The following FAM135B variants were observed in gnomAD, a reference collection of about 807,000 sequenced individuals.
FAM135B encodes the protein family with sequence similarity 135 member B.
A neutral mutation model predicts 127.7 loss-of-function variants in FAM135B; 43 were observed. The observed-to-expected ratio is 0.34, with a 90% CI of 0.26 to 0.43. The LOEUF is 0.43. Ranked by LOEUF, FAM135B falls within the 20% of genes least tolerant of loss-of-function variation. FAM135B has a pLI of 1.00. For synonymous variants in FAM135B, 670 were observed against 665.1 expected, an observed-to-expected ratio of 1.01 and a Z score of -0.11; for missense variants, 1,558 against 1,725.6, an observed-to-expected ratio of 0.90 and a Z score of 1.72.
In FAM135B at chr8:138,178,522, G is replaced by T; in HGVS notation, c.1029+13C>A. 2 of 1,613,044 alleles carry T rather than the reference G, an allele frequency of 1.2e-6. No homozygotes were observed. The highest frequency in any genetic ancestry group is 2.2e-5 in the East Asian group (1 of 44,838). The stretch of plus-strand genomic sequence containing the variant: ...GCATGTGATCAGAGAATGCACAGCA[G>T]TTGGCCACTCACCCTCAGGGTGTGG... On this transcript the variant is annotated intron_variant, in intron 10 of 19. Transcript: ENST00000395297.
At chr8:138,411,971 C>T (rs994929895) in intron 1 of FAM135B, among the ~76,000 whole-genome samples, 2 of 152,122 alleles carry the variant, frequency 1.3e-5, no homozygotes, top group Non-Finnish European at 2.9e-5. Context: ...GAACAAAAAA[C>T]CAAATACCGT....
chr8:138,448,735 C>A (rs1836329936), intron 1 of FAM135B, among the ~76,000 whole-genome samples: 1 of 150,500 alleles, frequency 6.6e-6, no homozygotes, highest in Non-Finnish European at 1.5e-5. Flanking sequence ...AAATAGATTT[C>A]ATAATCACAC....
chr8:138,400,676 C>T (rs1296752313), intron 1 of FAM135B, among the ~76,000 whole-genome samples: 1 of 152,280 alleles, frequency 6.6e-6, no homozygotes, highest in African/African-American at 2.4e-5. Flanking sequence ...TGTTTAAACC[C>T]ATCCAAGACA....
intron 9 of FAM135B, among the ~76,000 whole-genome samples, chr8:138,193,661 T>C (rs1196760642): frequency 6.6e-6 from 1 of 152,134 alleles, no homozygotes; most frequent in African/African-American, 2.4e-5. Context: ...GGCCAGGCCC[T>C]CAGGGGATGG....
intron 7 of FAM135B, among the ~76,000 whole-genome samples, chr8:138,209,008 T>C (rs1470124850): frequency 2.0e-5 from 3 of 152,204 alleles, no homozygotes; most frequent in African/African-American, 7.2e-5. Context: ...ATTAATCTGT[T>C]TGACTTTAGA....
intron 4 of FAM135B, among the ~76,000 whole-genome samples, chr8:138,261,759 C>G (rs1036122569): frequency 6.5e-5 from 1 of 15,352 alleles, no homozygotes; most frequent in African/African-American, 2.7e-4. Context: ...GACCTCATTG[C>G]ACAACTGAAT....
chr8:138,402,109 G>A (rs769073397), intron 1 of FAM135B, among the ~76,000 whole-genome samples: 4 of 152,044 alleles, frequency 2.6e-5, no homozygotes, highest in Admixed American at 1.3e-4. Flanking sequence ...GGGCTCTTAC[G>A]CAGAGAAAAC....
intron 19 of FAM135B, among the ~76,000 whole-genome samples, chr8:138,133,878 T>C (rs929510874): frequency 3.9e-5 from 6 of 152,090 alleles, no homozygotes; most frequent in Non-Finnish European, 8.8e-5. Context: ...GGGTGTTTCT[T>C]TTCCCCCCCT....
chr8:138,466,527 C>T (rs1469560017), intron 1 of FAM135B, among the ~76,000 whole-genome samples: 1 of 152,166 alleles, frequency 6.6e-6, no homozygotes, highest in Non-Finnish European at 1.5e-5. Context: ...CTCATGTCCC[C>T]TGATGATGCT....
At chr8:138,395,786 G>C (rs1832818517) in intron 1 of FAM135B, among the ~76,000 whole-genome samples, 1 of 152,152 alleles carries the variant, frequency 6.6e-6, no homozygotes, top group African/African-American at 2.4e-5. Flanking sequence ...ACTTAACAAA[G>C]GTAGGACATT....
Position 138,207,190 on chromosome 8 carries a change from ACT to A in FAM135B, c.670-9523_670-9522del, listed in dbSNP as rs149305984. On this transcript the variant is annotated intron_variant, in intron 7 of 19. Transcript: ENST00000395297. ...AGCTACTTTTACATAGACGGCAATAACTCTGTGCAGTTGACTGAAACAATACT... is the reference window on the plus strand; with the variant it reads ...AGCTACTTTTACATAGACGGCAATAACTGTGCAGTTGACTGAAACAATACT... 2.8e-3 allele frequency among the ~76,000 whole-genome samples: 417 copies of A among 150,260 alleles called. 1 individual carries two copies. Among genetic ancestry groups the A allele is most frequent in the African/African-American group, 9.8e-3 (402 of 40,826 alleles).
chr8:138,473,228 G>C (rs1294040103), intron 1 of FAM135B, among the ~76,000 whole-genome samples: 1 of 152,028 alleles, frequency 6.6e-6, no homozygotes, highest in Admixed American at 6.6e-5. Flanking sequence ...AAAACATGCT[G>C]ACCTAATGTC....
chr8:138,466,188 C>T (rs1174225325), intron 1 of FAM135B, among the ~76,000 whole-genome samples: 2 of 152,156 alleles, frequency 1.3e-5, no homozygotes, highest in South Asian at 2.1e-4. Context: ...AAGGGGCCTG[C>T]GGTGGAGGGT....
At position 138,484,339 on chromosome 8, in the gene FAM135B, T is replaced by C. The variant is rs189897657; in HGVS notation, c.-20+12332A>G. 3.0e-4 allele frequency among the ~76,000 whole-genome samples: 45 copies of C among 152,334 alleles called. No individual in the cohort carries two copies. The East Asian group carries it at 7.7e-3, about 26-fold the overall frequency. ...TGAGGTTTTATTTGGGTTTCTTTAT[T>C]GGCTGAGAGGGAAATGGTTTGTTTT... On this transcript the variant is annotated intron_variant, in intron 1 of 19. Coordinates refer to ENST00000395297, the MANE Select transcript of FAM135B (RefSeq NM_015912.4).
At chr8:138,259,336 C>T (rs7816485) in intron 4 of FAM135B, among the ~76,000 whole-genome samples, 40,101 of 152,060 alleles carry the variant, frequency 0.26, 5,816 homozygotes, top group African/African-American at 0.39. Flanking sequence ...CCCAGATACA[C>T]GTGTACGACT....
At chr8:138,392,965 G>T (rs763386276) in intron 1 of FAM135B, among the ~76,000 whole-genome samples, 2 of 152,152 alleles carry the variant, frequency 1.3e-5, no homozygotes, top group Non-Finnish European at 2.9e-5. Flanking sequence ...ATTTACAAAA[G>T]AAAGAGTTTT....
chr8:138,408,191 TCTC>T (rs1196397473), intron 1 of FAM135B, among the ~76,000 whole-genome samples: 1 of 152,214 alleles, frequency 6.6e-6, no homozygotes, highest in Non-Finnish European at 1.5e-5. Flanking sequence ...GGCAATGACT[TCTC>T]CTCTCTAGTT....
chr8:138,443,658 G>T (rs1396883209), intron 1 of FAM135B, among the ~76,000 whole-genome samples: 1 of 152,202 alleles, frequency 6.6e-6, no homozygotes, highest in Non-Finnish European at 1.5e-5. Flanking sequence ...CTGGGAATTA[G>T]AGAGCAAACA....
chr8:138,178,374 G>A (rs1814686666), intron 10 of FAM135B, among the ~76,000 whole-genome samples, 161 bp downstream of exon 10: 1 of 152,214 alleles, frequency 6.6e-6, no homozygotes, highest in South Asian at 2.1e-4. Context: ...AGGCCTGAGA[G>A]GCTAAGGAAG....
Sources: gnomAD v4.1 joint callset for allele counts (sites outside exome capture counted in the v4.1 genomes callset) on GRCh38, gnomAD v4.1.1 for gene constraint, MANE v1.5 for transcripts, NCBI Gene and HGNC (gene_info 2026-07-23, HGNC 2026-07-21) for gene names.